Variants in SEC61B observed in about 807,000 individuals in gnomAD.
SEC61B encodes protein transport protein Sec61 subunit beta.
In SEC61B, 7 loss-of-function variants were observed where a neutral mutation model predicts 12.6. The observed-to-expected ratio is 0.55, with a 90% confidence interval of 0.32 to 1.04. The LOEUF (loss-of-function observed/expected upper bound fraction) is 1.04, where lower values mean the gene tolerates loss of function less well. Ranked by LOEUF, SEC61B falls within the 50% of genes least tolerant of loss-of-function variation. The pLI is 0.05. For synonymous variants in SEC61B, 54 were observed against 50.1 expected (o/e 1.08, Z -0.33); for missense variants, 107 against 130.1 (o/e 0.82, Z 0.86).
chr9:99,224,409 G>T (rs1478907440), intron 2 of SEC61B, among the ~76,000 whole-genome samples: 1 of 152,110 alleles, frequency 6.6e-6, no homozygotes, highest in Non-Finnish European at 1.5e-5. Flanking sequence ...ATGTCCTGTG[G>T]GTGCGGTTCC....
At chr9:99,229,655 G>T (rs1035035242) in intron 3 of SEC61B, among the ~76,000 whole-genome samples, 7 of 151,904 alleles carry the variant, frequency 4.6e-5, no homozygotes, top group African/African-American at 1.7e-4. Flanking sequence ...GCTCTTCAGG[G>T]GACTCATTTT....
intron 3 of SEC61B, among the ~76,000 whole-genome samples, chr9:99,229,343 G>A (rs1828933575): frequency 6.6e-6 from 1 of 152,004 alleles, no homozygotes; most frequent in African/African-American, 2.4e-5. Flanking sequence ...TTCTCCTTTA[G>A]CGACAGGGTT....
At chr9:99,224,196 C>T (rs1441724521) in intron 2 of SEC61B, among the ~76,000 whole-genome samples, 1 of 152,202 alleles carries the variant, frequency 6.6e-6, no homozygotes, top group Non-Finnish European at 1.5e-5. Context: ...ATGATTTGAA[C>T]TTACATGAAA....
At chr9:99,230,225 C>G (rs1454244780) in intron 3 of SEC61B, 112 bp from the exon 4 acceptor site, 1 of 598,618 alleles carries the variant, frequency 1.7e-6, no homozygotes, top group African/African-American at 1.9e-5. Context: ...TCTGGATGAA[C>G]CTTGAGTGCT....
In SEC61B at chr9:99,224,531, A is replaced by G. The variant is rs1198426862; in HGVS notation, c.101+1888A>G. Among the ~76,000 whole-genome samples the G allele has an allele frequency of 3.3e-5, 5 of 152,250 alleles. 1 individual carries two copies. The highest frequency in any genetic ancestry group is 4.1e-4 in the South Asian group (2 of 4,834). ...AAGCACATATTTATCAAATGTACAT[A>G]TGATAATGAAATTATTTATTTAATA... On this transcript the variant is annotated intron_variant, in intron 2 of 3. Coordinates refer to ENST00000223641, the MANE Select transcript of SEC61B (RefSeq NM_006808.3).
chr9:99,226,205 C>T (rs1828893031), intron 2 of SEC61B, among the ~76,000 whole-genome samples: 1 of 152,204 alleles, frequency 6.6e-6, no homozygotes, highest in African/African-American at 2.4e-5. Flanking sequence ...TGGTTTGGCA[C>T]TGATTGCTTT....
intron 2 of SEC61B, among the ~76,000 whole-genome samples, chr9:99,227,004 G>C (rs763712466): frequency 6.6e-6 from 1 of 151,850 alleles, no homozygotes; most frequent in Non-Finnish European, 1.5e-5. Flanking sequence ...GCGGTGGCTT[G>C]CACCTGTAAT....
At chr9:99,224,668 G>A (rs902079900) in intron 2 of SEC61B, among the ~76,000 whole-genome samples, 1 of 152,212 alleles carries the variant, frequency 6.6e-6, no homozygotes, top group East Asian at 1.9e-4. Flanking sequence ...AGGATTCAGT[G>A]TGATAGAGCT....
chr9:99,227,320 A>AT (rs1205019993), intron 2 of SEC61B, among the ~76,000 whole-genome samples: 1 of 151,360 alleles, frequency 6.6e-6, no homozygotes, highest in Non-Finnish European at 1.5e-5. Context: ...TAACAAAGTA[A>AT]TTTTTTATAA....
At chr9:99,226,921 G>GT (rs112319587) in intron 2 of SEC61B, among the ~76,000 whole-genome samples, 21 of 151,586 alleles carry the variant, frequency 1.4e-4, no homozygotes, top group Admixed American at 7.2e-4. Flanking sequence ...TGTTCCCTGC[G>GT]TTTTTTTTAC....
Position 99,230,488 on chromosome 9 carries a change from AG to A in SEC61B, c.*65del. On this transcript the variant is annotated 3_prime_UTR_variant, in exon 4 of 4. Transcript: ENST00000223641. ...AAAACCCAACATTTCTTGGACCAAA[AG>A]TATAGTGACTATCTGTTCATGAGAG... 1 of 1,050,990 alleles carries A rather than the reference AG, an allele frequency of 9.5e-7. No homozygotes were observed. Among genetic ancestry groups the A allele is most frequent in the Non-Finnish European group, 1.5e-6 (1 of 679,246 alleles). 65.1% of individuals were successfully genotyped at this position (1,050,990 alleles called of 1,614,324 possible).
At chr9:99,224,225 A>G (rs1828871792) in intron 2 of SEC61B, among the ~76,000 whole-genome samples, 1 of 152,252 alleles carries the variant, frequency 6.6e-6, no homozygotes, top group Non-Finnish European at 1.5e-5. Context: ...ATCAGAACAA[A>G]GACATTCTAA....
intron 2 of SEC61B, among the ~76,000 whole-genome samples, chr9:99,223,478 T>C (rs701375): frequency 0.96 from 145,190 of 151,696 alleles, 69,532 homozygotes; most frequent in East Asian, 1. Context: ...ACTACAGCCT[T>C]TGCCTCCAGA....
chr9:99,225,875 G>A (rs763084342), intron 2 of SEC61B, among the ~76,000 whole-genome samples: 1 of 152,194 alleles, frequency 6.6e-6, no homozygotes, highest in Non-Finnish European at 1.5e-5. Context: ...GGAAGTGCAT[G>A]CGTCCAAGTC....
chr9:99,222,744 G>C (rs1360201745), intron 2 of SEC61B, 101 bp downstream of exon 2: 3 of 820,820 alleles, frequency 3.7e-6, no homozygotes, highest in Admixed American at 6.4e-5. Context: ...ATTGACAAAG[G>C]CAAAATGAGC....
Position 99,230,515 on chromosome 9 carries a change from A to C in SEC61B, c.*91A>C. 1 of 798,872 alleles carries C rather than the reference A, an allele frequency of 1.3e-6. No homozygotes were observed. Among genetic ancestry groups the C allele is most frequent in the Non-Finnish European group, 2.1e-6 (1 of 485,628 alleles). 49.5% of individuals were successfully genotyped at this position (798,872 alleles called of 1,614,324 possible). On this transcript the variant is annotated 3_prime_UTR_variant, in exon 4 of 4. Transcript: ENST00000223641. ...TATAGTGACTATCTGTTCATGAGAGAAATTTTCTGTAAGCTTGCTGTTTTA... is the reference window on the plus strand; with the variant it reads ...TATAGTGACTATCTGTTCATGAGAGCAATTTTCTGTAAGCTTGCTGTTTTA...
intron 2 of SEC61B, among the ~76,000 whole-genome samples, chr9:99,224,738 G>C (rs148576143): frequency 2.7e-4 from 41 of 152,314 alleles, no homozygotes; most frequent in African/African-American, 7.9e-4. Flanking sequence ...TTTCCTTCTA[G>C]AATGGTAGTG....
chr9:99,229,517 T>G (rs535169239), intron 3 of SEC61B, among the ~76,000 whole-genome samples: 125 of 152,268 alleles, frequency 8.2e-4, no homozygotes, highest in African/African-American at 3.0e-3. Context: ...CATGCCTGGC[T>G]AGTTTTTTGT....
intron 2 of SEC61B, among the ~76,000 whole-genome samples, chr9:99,224,934 T>C (rs943568805): frequency 2.0e-5 from 3 of 152,244 alleles, no homozygotes; most frequent in African/African-American, 7.2e-5. Context: ...AGAAATGTTA[T>C]TAAATTTAAG....
Sources: allele counts gnomAD v4.1 joint callset (sites outside exome capture counted in the v4.1 genomes callset), GRCh38; gene constraint gnomAD v4.1.1; transcripts MANE v1.5; gene names NCBI Gene and HGNC (gene_info 2026-07-23, HGNC 2026-07-21).